CRYBB1: variants seen among roughly 807,000 people sequenced by gnomAD.
The protein encoded by CRYBB1 is beta-crystallin B1.
A neutral mutation model predicts 29.5 loss-of-function variants in CRYBB1; 16 were observed. The ratio of observed to expected loss-of-function variants is 0.54; its 90% CI spans 0.37 to 0.82. CRYBB1 has a LOEUF of 0.82. Ranked by LOEUF, CRYBB1 falls within the 40% of genes least tolerant of loss-of-function variation. CRYBB1 has a pLI of 0.00. For missense variants in CRYBB1, 300 were observed against 350.5 expected (o/e 0.86, Z 1.15); for synonymous variants, 127 against 136.7 (o/e 0.93, Z 0.49).
At chr22:26,613,036 A>G (rs1335486909) in intron 2 of CRYBB1, among the ~76,000 whole-genome samples, 1 of 151,664 alleles carries the variant, frequency 6.6e-6, no homozygotes, top group Non-Finnish European at 1.5e-5. Flanking sequence ...AAGACCAAGG[A>G]CTCCTCCAGG....
chr22:26,611,594 C>T lies in CRYBB1; in HGVS notation c.299+478G>A, dbSNP rs535559394. 3.3e-5 allele frequency among the ~76,000 whole-genome samples: 5 copies of T among 152,062 alleles called. No individual in the cohort carries two copies. In the South Asian group the frequency reaches 1.0e-3, roughly 32 times the overall value. On this transcript the variant is annotated intron_variant, in intron 3 of 5. Coordinates refer to ENST00000647684, the MANE Select transcript of CRYBB1 (RefSeq NM_001887.4). ...GGTTCACGCCATTCTCCTGCCTCAGCCTCCCGAGTAGCTGGGACTACAGGC... is the reference window on the plus strand; with the variant it reads ...GGTTCACGCCATTCTCCTGCCTCAGTCTCCCGAGTAGCTGGGACTACAGGC...
At chr22:26,604,035 T>C (rs753508506) in intron 4 of CRYBB1, among the ~76,000 whole-genome samples, 22 of 152,278 alleles carry the variant, frequency 1.4e-4, no homozygotes, top group African/African-American at 3.9e-4. Context: ...GTTTTTAAAG[T>C]TCGTCTGTTA....
At chr22:26,606,781 A>G (rs953110345) in intron 4 of CRYBB1, among the ~76,000 whole-genome samples, 2 of 152,192 alleles carry the variant, frequency 1.3e-5, no homozygotes, top group African/African-American at 4.8e-5. Context: ...AAATGTTCCC[A>G]TCATGGAAGA....
chr22:26,611,825 C>T (rs1305381963), intron 3 of CRYBB1, among the ~76,000 whole-genome samples: 1 of 152,184 alleles, frequency 6.6e-6, no homozygotes, highest in East Asian at 1.9e-4. Flanking sequence ...AGCCCAGAAC[C>T]ATGGCTTACT....
chr22:26,602,162 T>A, intron 4 of CRYBB1, 141 bp from the exon 5 acceptor site: 1 of 1,075,036 alleles, frequency 9.3e-7, no homozygotes, highest in Non-Finnish European at 1.4e-6. Context: ...CACTGCTGTC[T>A]AGTCTGGAAG....
rs556676293 is a variant in CRYBB1, at chr22:26,612,087, A to G, written c.284T>C (p.Ile95Thr). 14 of 1,613,014 alleles carry G rather than the reference A, an allele frequency of 8.7e-6. No homozygotes were observed. The African/African-American group carries it at 1.1e-4, about 12-fold the overall frequency. Residue 95 changes from isoleucine (I) to threonine (T), a missense_variant, in exon 3 of 6, where the codon ATT becomes ACT. Physicochemically the swap from Ile to Thr is moderately conservative, Grantham distance 89. Coordinates refer to ENST00000647684, the MANE Select transcript of CRYBB1 (RefSeq NM_001887.4). ...CAGTACTCACGGTCCCGCGGAGACA[A>G]TGATGCTGCGCACACGGTCGAAGCC... is the stretch of plus-strand genomic sequence containing the variant. ...DRGFDRVRSI[I>T]VSAGPWVAFE...
In CRYBB1 at chr22:26,605,671, C is replaced by CAA. The variant is rs771110435; in HGVS notation, c.432+2216_432+2217dup. ...CTGGGCAACAGAGTTAGATGTGTCT[C>CAA]AAAAAAAAAAAAAAAAAAAAAGGAA... On this transcript the variant is annotated intron_variant, in intron 4 of 5. Transcript: ENST00000647684. 6.6e-3 allele frequency among the ~76,000 whole-genome samples: 355 copies of CAA among 53,984 alleles called. 5 individuals carry two copies. Among genetic ancestry groups the CAA allele is most frequent in the African/African-American group, 0.021 (302 of 14,538 alleles). 35.4% of individuals were successfully genotyped at this position (53,984 alleles called of 152,430 possible). A position where few individuals can be genotyped will look rare whatever the true frequency, so the allele number is the denominator to read the frequency against.
intron 3 of CRYBB1, among the ~76,000 whole-genome samples, chr22:26,608,592 T>C (rs1929059583): frequency 1.3e-5 from 2 of 152,230 alleles, no homozygotes; most frequent in South Asian, 2.1e-4. Context: ...CTTTTACTTA[T>C]AGGAAATAAT....
At chr22:26,615,206 C>T (rs1370364840) in intron 2 of CRYBB1, among the ~76,000 whole-genome samples, 1 of 152,200 alleles carries the variant, frequency 6.6e-6, no homozygotes, top group Non-Finnish European at 1.5e-5. Context: ...GAGGTTGAAA[C>T]CACACCAAAC....
chr22:26,613,653 A>G (rs1217936612), intron 2 of CRYBB1, among the ~76,000 whole-genome samples: 1 of 152,174 alleles, frequency 6.6e-6, no homozygotes, highest in Non-Finnish European at 1.5e-5. Flanking sequence ...AGGAGGATGT[A>G]TGTCGCCTCA....
chr22:26,616,195 G>T lies in CRYBB1; in HGVS notation c.125C>A (p.Thr42Lys), dbSNP rs149021017. 1.9e-6 allele frequency: 3 copies of T among 1,614,110 alleles called. No individual in the cohort carries two copies. The highest frequency in any genetic ancestry group is 2.2e-5 in the South Asian group (2 of 91,092). ...SPSPGTTLAP[T>K]TVPITSAKAA... ...CTTGGCGCTGGTAATAGGCACGGTTGTTGGGGCCAGGGTAGTGCCGGGACT... is the reference window on the plus strand; with the variant it reads ...CTTGGCGCTGGTAATAGGCACGGTTTTTGGGGCCAGGGTAGTGCCGGGACT... Residue 42 changes from threonine to lysine, a missense_variant, in exon 2 of 6, where the codon ACA becomes AAA. Coordinates refer to ENST00000647684, the MANE Select transcript of CRYBB1 (RefSeq NM_001887.4).
At chr22:26,606,837 A>T (rs1287274656) in intron 4 of CRYBB1, among the ~76,000 whole-genome samples, 2 of 152,228 alleles carry the variant, frequency 1.3e-5, no homozygotes, top group East Asian at 3.8e-4. Context: ...AGTAAGATGT[A>T]GCTGGTTCAT....
intron 2 of CRYBB1, among the ~76,000 whole-genome samples, chr22:26,613,866 G>A (rs892536026): frequency 3.9e-5 from 6 of 152,170 alleles, no homozygotes; most frequent in Admixed American, 1.3e-4. Context: ...GAGAAATATC[G>A]CTGAATTCTT....
At chr22:26,614,079 C>G (rs890474666) in intron 2 of CRYBB1, among the ~76,000 whole-genome samples, 3 of 152,148 alleles carry the variant, frequency 2.0e-5, no homozygotes, top group East Asian at 3.8e-4. Context: ...ATCTCAAAAC[C>G]CTGTCTCCTG....
Position 26,607,904 on chromosome 22 carries a change from G to T in CRYBB1, c.417C>A (p.Phe139Leu), listed in dbSNP as rs762531381. Residue 139 changes from phenylalanine (F) to leucine (L), a missense_variant, in exon 4 of 6, where the codon TTC becomes TTA. Transcript: ENST00000647684. The stretch of plus-strand genomic sequence containing the variant: ...AGCCACTCACCATTTTGATGGGCCG[G>T]AAGGACATGAGCCGATCACTGCGGT... ...SSYRSDRLMS[F>L]RPIKMDAQEH... The T allele has an allele frequency of 1.9e-6, 3 of 1,614,210 alleles. No homozygotes were observed. The highest frequency in any genetic ancestry group is 2.2e-5 in the South Asian group (2 of 91,088).
intron 4 of CRYBB1, among the ~76,000 whole-genome samples, chr22:26,604,085 C>T (rs1928904042): frequency 6.6e-6 from 1 of 152,224 alleles, no homozygotes; most frequent in Non-Finnish European, 1.5e-5. Flanking sequence ...CAAAAGTCAT[C>T]ATGCACTGTT....
chr22:26,606,167 G>A (rs1225699016), intron 4 of CRYBB1, among the ~76,000 whole-genome samples: 1 of 152,148 alleles, frequency 6.6e-6, no homozygotes, highest in African/African-American at 2.4e-5. Context: ...CTGCACAGAC[G>A]GACTACTTAG....
intron 4 of CRYBB1, among the ~76,000 whole-genome samples, chr22:26,603,125 CA>C (rs779127242): frequency 0.015 from 1,022 of 69,350 alleles, 4 homozygotes; most frequent in African/African-American, 0.047. Flanking sequence ...GACTCCGTCT[CA>C]AAAAAAAAAA....
At chr22:26,604,724 G>C (rs954353060) in intron 4 of CRYBB1, among the ~76,000 whole-genome samples, 1 of 152,232 alleles carries the variant, frequency 6.6e-6, no homozygotes, top group African/African-American at 2.4e-5. Context: ...CAAGGTGCCA[G>C]GCAGGGATGT....
Sources: gnomAD v4.1 joint callset for allele counts (sites outside exome capture counted in the v4.1 genomes callset) on GRCh38, gnomAD v4.1.1 for gene constraint, MANE v1.5 for transcripts, NCBI Gene and HGNC (gene_info 2026-07-23, HGNC 2026-07-21) for gene names.